JPH3: variants seen among roughly 807,000 people sequenced by gnomAD.
The protein encoded by JPH3 is junctophilin-3.
In JPH3, 11 loss-of-function variants were observed where a neutral mutation model predicts 59.6. The ratio of observed to expected loss-of-function variants is 0.18; its 90% CI spans 0.12 to 0.31. JPH3 has a LOEUF of 0.31. Among genes scored for constraint, JPH3 ranks in the 10% least tolerant of loss-of-function variants. The pLI, the probability that JPH3 is intolerant of heterozygous loss-of-function variation, is 1.00. For synonymous variants in JPH3, 673 were observed against 483.6 expected (o/e 1.39, Z -5.14); for missense variants, 1,202 against 1,105.7 (o/e 1.09, Z -1.24).
At chr16:87,642,581 G>C (rs1317725305) in intron 1 of JPH3, among the ~76,000 whole-genome samples, 1 of 152,256 alleles carries the variant, frequency 6.6e-6, no homozygotes, top group African/African-American at 2.4e-5. Context: ...GTGCCACCGT[G>C]AGTTGGAAGA....
chr16:87,644,208 G>C (rs1200770544), intron 1 of JPH3, 50 bp from the exon 2 acceptor site: 2 of 1,546,392 alleles, frequency 1.3e-6, no homozygotes, highest in Non-Finnish European at 1.8e-6. Context: ...GCCAGGCTGT[G>C]CCCCCTCCTC....
chr16:87,621,344 G>A (rs966673490), intron 1 of JPH3, among the ~76,000 whole-genome samples: 8 of 152,324 alleles, frequency 5.3e-5, no homozygotes, highest in Non-Finnish European at 1.0e-4. Context: ...GAGTCCGGGG[G>A]AGGGGGTTCG....
intron 2 of JPH3, among the ~76,000 whole-genome samples, chr16:87,682,094 C>T (rs979243635): frequency 6.6e-6 from 1 of 152,142 alleles, no homozygotes; most frequent in Non-Finnish European, 1.5e-5. Flanking sequence ...GCTCTCTGGG[C>T]CAGCGTTTGG....
rs753264216 is a variant in JPH3 at position 87,684,184 on chromosome 16, A to G, written c.1203A>G (p.Ala401=). The G allele has an allele frequency of 9.3e-6, 15 of 1,613,878 alleles. No individual in the cohort carries two copies. In the South Asian group the frequency reaches 1.3e-4, roughly 14 times the overall value. ...SRAKAEAALT[A]AQKAQEEARI... ...CAAAGGCCGAGGCAGCCCTCACAGC[A>G]GCTCAGAAAGCCCAGGAGGAGGCGC... The change falls in exon 3 of 5, where the codon GCA becomes GCG. Residue 401 remains alanine, a synonymous_variant. Coordinates refer to ENST00000284262, the MANE Select transcript of JPH3 (RefSeq NM_020655.4).
chr16:87,644,538 T>A lies in JPH3; in HGVS notation c.663T>A (p.Ser221Arg), dbSNP rs918368. 6.2e-7 allele frequency: 1 copy of A among 1,612,528 alleles called. No homozygotes were observed. Among genetic ancestry groups the A allele is most frequent in the Non-Finnish European group, 8.5e-7 (1 of 1,179,738 alleles). The change falls in exon 2 of 5, where the codon AGT becomes AGA. Residue 221 changes from serine (S) to arginine (R), a missense_variant. Physicochemically the swap from Ser to Arg is moderately radical, Grantham distance 110. Coordinates refer to ENST00000284262, the MANE Select transcript of JPH3 (RefSeq NM_020655.4). ...KKGLFRRSLL[S>R]GLKLRKSESK... The stretch of plus-strand genomic sequence containing the variant: ...GGCTGTTTCGGCGCTCGCTGCTGAG[T>A]GGGCTGAAGCTGCGCAAGTCGGAGT...
At chr16:87,630,153 C>T (rs1259585389) in intron 1 of JPH3, among the ~76,000 whole-genome samples, 2 of 152,160 alleles carry the variant, frequency 1.3e-5, no homozygotes, top group East Asian at 1.9e-4. Context: ...GGACCTTCAG[C>T]CCCCACACTG....
In JPH3 at chr16:87,644,994, C is replaced by A. The variant is rs188752914; in HGVS notation, c.1119C>A (p.Ala373=). 1.2e-6 allele frequency: 2 copies of A among 1,607,224 alleles called. No homozygotes were observed. Among genetic ancestry groups the A allele is most frequent in the Admixed American group, 3.3e-5 (2 of 59,970 alleles). The change falls in exon 2 of 5, where the codon GCC becomes GCA. Residue 373 remains alanine, a synonymous_variant. Transcript: ENST00000284262. ...VDRAVEAAER[A]ATIAKQKAEI... ...GCGCCGTTGAGGCCGCTGAGCGGGC[C>A]GCCACCATCGCCAAGCAGAAGGCTG...
rs1374389601 is a variant in JPH3 at position 87,697,457 on chromosome 16, A to G, written c.*797A>G. 6.6e-6 allele frequency: 1 copy of G among 150,528 alleles called. No homozygotes were observed. The highest frequency in any genetic ancestry group is 1.5e-5 in the Non-Finnish European group (1 of 68,204). 9.3% of individuals were successfully genotyped at this position (150,528 alleles called of 1,614,324 possible). A position where few individuals can be genotyped will look rare whatever the true frequency, so the allele number is the denominator to read the frequency against. ...CCGCCTGGGCTCAGCTAAGCACGGA[A>G]GCCAAGGGGGCTGTGCCGTGGAGCT... On this transcript the variant is annotated 3_prime_UTR_variant, in exon 5 of 5. Transcript: ENST00000284262.
At position 87,644,430 on chromosome 16, in the gene JPH3, G is replaced by C; in HGVS notation, c.555G>C (p.Val185=). Residue 185 remains valine, a synonymous_variant, in exon 2 of 5, where the codon GTG becomes GTC. Coordinates refer to ENST00000284262, the MANE Select transcript of JPH3 (RefSeq NM_020655.4). ...TALHPDASPA[V]AGSPAVSRGG... is the part of the protein sequence containing the mutation. ...TGCATCCCGACGCCTCTCCGGCGGT[G>C]GCCGGCAGCCCGGCCGTGTCCCGCG... 1 of 1,612,078 alleles carries C rather than the reference G, an allele frequency of 6.2e-7. No homozygotes were observed. The highest frequency in any genetic ancestry group is 8.5e-7 in the Non-Finnish European group (1 of 1,179,388).
chr16:87,640,709 A>G (rs1303450734), intron 1 of JPH3, among the ~76,000 whole-genome samples: 1 of 152,174 alleles, frequency 6.6e-6, no homozygotes, highest in Middle Eastern at 3.2e-3. Context: ...CGCTTTTTAA[A>G]TATAAGTATG....
chr16:87,613,502 G>T (rs2030815494), intron 1 of JPH3, among the ~76,000 whole-genome samples: 1 of 152,084 alleles, frequency 6.6e-6, no homozygotes, highest in Admixed American at 6.5e-5. Context: ...TGTATTTTTG[G>T]TAGAGACGGG....
chr16:87,628,170 C>G (rs1442232159), intron 1 of JPH3, among the ~76,000 whole-genome samples: 1 of 152,246 alleles, frequency 6.6e-6, no homozygotes, highest in African/African-American at 2.4e-5. Context: ...GGCTAAAAAT[C>G]AGAAGCCAGC....
chr16:87,614,437 A>G (rs1338812511), intron 1 of JPH3, among the ~76,000 whole-genome samples: 6 of 150,178 alleles, frequency 4.0e-5, no homozygotes, highest in South Asian at 2.1e-4. Context: ...TCACAGGAGG[A>G]GCTGTGCGTC....
chr16:87,680,728 C>T (rs2033268156), intron 2 of JPH3, among the ~76,000 whole-genome samples: 1 of 152,240 alleles, frequency 6.6e-6, no homozygotes, highest in South Asian at 2.1e-4. Context: ...AGGCCGAGAC[C>T]TGGTGTCTCA....
chr16:87,684,191 A>G lies in JPH3; in HGVS notation c.1210A>G (p.Lys404Glu). The change falls in exon 3 of 5, where the codon AAA (lysine) becomes GAA (glutamate). Residue 404 changes from lysine to glutamate, a missense_variant. By Grantham distance (56) the Lys-to-Glu change is moderately conservative. Transcript: ENST00000284262. ...CGAGGCAGCCCTCACAGCAGCTCAG[A>G]AAGCCCAGGAGGAGGCGCGGATCGC... Reference protein sequence around the residue: ...KAEAALTAAQKAQEEARIARI... With the variant: ...KAEAALTAAQEAQEEARIARI... 6.2e-7 allele frequency: 1 copy of G among 1,613,914 alleles called. No homozygotes were observed. Among genetic ancestry groups the G allele is most frequent in the Non-Finnish European group, 8.5e-7 (1 of 1,180,010 alleles).
At chr16:87,675,154 C>T (rs890048234) in intron 2 of JPH3, among the ~76,000 whole-genome samples, 13 of 135,236 alleles carry the variant, frequency 9.6e-5, no homozygotes, top group Non-Finnish European at 1.6e-4. Flanking sequence ...CCATGCCCCA[C>T]CCCCCAGCTG....
intron 1 of JPH3, chr16:87,604,008 C>A: frequency 1.1e-6 from 1 of 887,538 alleles, no homozygotes; most frequent in Non-Finnish European, 1.4e-6. Context: ...TCTGCCCAAG[C>A]CGAGAGAAAG....
At chr16:87,666,011 A>G (rs1379973282) in intron 2 of JPH3, among the ~76,000 whole-genome samples, 2 of 152,182 alleles carry the variant, frequency 1.3e-5, no homozygotes, top group East Asian at 3.8e-4. Flanking sequence ...CGCTCGATCC[A>G]TGGGGCAGAT....
rs375201712 is a variant in JPH3, at chr16:87,644,969, G to C, written c.1094G>C (p.Arg365Pro). The C allele has an allele frequency of 1.2e-6, 2 of 1,610,572 alleles. No individual in the cohort carries two copies. Among genetic ancestry groups the C allele is most frequent in the African/African-American group, 1.3e-5 (1 of 75,012 alleles). The change falls in exon 2 of 5, where the codon CGC (arginine) becomes CCC (proline). Residue 365 changes from arginine (R) to proline (P), a missense_variant. Physicochemically the swap from Arg to Pro is moderately radical, Grantham distance 103 (BLOSUM62 -2). Transcript: ENST00000284262. ...RASKIREKVD[R>P]AVEAAERAAT... ...AGCAAGATCCGCGAGAAGGTGGACC[G>C]CGCCGTTGAGGCCGCTGAGCGGGCC...
Sources: gnomAD v4.1 joint callset for allele counts (sites outside exome capture counted in the v4.1 genomes callset) on GRCh38, gnomAD v4.1.1 for gene constraint, MANE v1.5 for transcripts, NCBI Gene and HGNC (gene_info 2026-07-23, HGNC 2026-07-21) for gene names.